TDRD10: variants seen among roughly 807,000 people sequenced by gnomAD.
TDRD10 encodes tudor domain containing 10, also known as tudor domain-containing protein 10.
Under a neutral mutation model 48.0 loss-of-function variants are expected in TDRD10, and 40 were observed. That is an observed-to-expected ratio of 0.83 (90% CI 0.65 to 1.09). The LOEUF is 1.09. Ranked by LOEUF, TDRD10 falls within the 50% of genes least tolerant of loss-of-function variation. The pLI, the probability that TDRD10 is intolerant of heterozygous loss-of-function variation, is 0.00. For missense variants in TDRD10, 378 were observed against 434.7 expected, an observed-to-expected ratio of 0.87 and a Z score of 1.16; for synonymous variants, 162 against 170.4, an observed-to-expected ratio of 0.95 and a Z score of 0.38.
intron 4 of TDRD10, chr1:154,509,683 A>G: frequency 3.3e-6 from 1 of 306,024 alleles, no homozygotes; most frequent in African/African-American, 2.3e-5. Flanking sequence ...AGCATAGTAA[A>G]TCATTGTGAT....
intron 6 of TDRD10, among the ~76,000 whole-genome samples, chr1:154,533,198 T>A (rs766496376): frequency 6.6e-6 from 1 of 152,270 alleles, no homozygotes; most frequent in South Asian, 2.1e-4. Context: ...GGCAGAAGTC[T>A]GGGCCCTGCA....
chr1:154,542,129 C>G (rs1464323103), intron 7 of TDRD10, 63 bp downstream of exon 7: 3 of 1,556,350 alleles, frequency 1.9e-6, no homozygotes, highest in Non-Finnish European at 1.8e-6. Flanking sequence ...TGGACCTCTT[C>G]CAGCCCCTTC....
rs1695405104 is a variant in TDRD10, at chr1:154,544,003, G to T, written c.544G>T (p.Asp182Tyr). 1.2e-6 allele frequency: 2 copies of T among 1,614,062 alleles called. No homozygotes were observed. Among genetic ancestry groups the T allele is most frequent in the Non-Finnish European group, 1.7e-6 (2 of 1,180,032 alleles). Residue 182 changes from aspartate to tyrosine, a missense_variant, in exon 9 of 13, where the codon GAC (aspartate) becomes TAC (tyrosine). Physicochemically the swap from Asp to Tyr is radical, Grantham distance 160. Around this residue, in one of 2 missense-constraint regions of TDRD10, gnomAD observed 310 missense variants for 323.6 expected, o/e 0.96. Transcript: ENST00000368482. ...GCTGCTCCTGAGGGAATGCTTCCGA[G>T]ACCTGAGCTGGCTGGCACTCATCCA... ...LVLLLRECFR[D>Y]LSWLALIHSV...
At chr1:154,518,454 G>T (rs912327076) in intron 4 of TDRD10, among the ~76,000 whole-genome samples, 1 of 151,780 alleles carries the variant, frequency 6.6e-6, no homozygotes, top group Non-Finnish European at 1.5e-5. Context: ...TTGAGACGGA[G>T]TCTTGCTCTG....
At chr1:154,517,059 G>C (rs1403712317) in intron 4 of TDRD10, among the ~76,000 whole-genome samples, 1 of 152,194 alleles carries the variant, frequency 6.6e-6, no homozygotes, top group Non-Finnish European at 1.5e-5. Flanking sequence ...AGCCTGAAGG[G>C]TCACAGTACT....
intron 3 of TDRD10, 51 bp downstream of exon 3, chr1:154,507,371 T>A (rs1362266154): frequency 2.5e-6 from 4 of 1,596,858 alleles, no homozygotes; most frequent in African/African-American, 1.3e-5. Context: ...TCCTACAACT[T>A]GGATTCCAGT....
At chr1:154,535,975 G>C (rs1694899044) in intron 6 of TDRD10, among the ~76,000 whole-genome samples, 1 of 152,192 alleles carries the variant, frequency 6.6e-6, no homozygotes, top group South Asian at 2.1e-4. Context: ...ATGTAAAATT[G>C]AGAGGAGCGG....
rs562565833 is a variant in TDRD10, at chr1:154,509,786, A to G, written c.141+1305A>G. On this transcript the variant is annotated intron_variant, in intron 4 of 12. Transcript: ENST00000368482. ...CTACTAGGGCTGGTTTTCCTCCCCC[A>G]TTTTGGCAGGCTGGTCCAACCTGTT... 3.1e-4 allele frequency: 306 copies of G among 985,340 alleles called. No homozygotes were observed. The Admixed American group carries it at 4.2e-3, about 14-fold the overall frequency. 61.0% of individuals were successfully genotyped at this position (985,340 alleles called of 1,614,324 possible).
At chr1:154,509,653 A>G (rs572668536) in intron 4 of TDRD10, 15 of 204,710 alleles carry the variant, frequency 7.3e-5, no homozygotes, top group African/African-American at 3.5e-4. Flanking sequence ...GTTTTGTCTG[A>G]CAGAAGAAAA....
intron 1 of TDRD10, among the ~76,000 whole-genome samples, chr1:154,505,083 GTGGTCATA>G (rs1023930538): frequency 4.7e-4 from 72 of 152,356 alleles, no homozygotes; most frequent in African/African-American, 1.6e-3. Flanking sequence ...TTGGAATCAT[GTGGTCATA>G]TGGTTTGGAT....
chr1:154,532,834 G>T (rs1450559090), intron 6 of TDRD10, among the ~76,000 whole-genome samples: 2 of 152,192 alleles, frequency 1.3e-5, no homozygotes, highest in Non-Finnish European at 2.9e-5. Flanking sequence ...TGGAAGTCAG[G>T]CTCCCTACTC....
At position 154,544,915 on chromosome 1, in the gene TDRD10, C is replaced by G. The variant is rs369240196; in HGVS notation, c.918C>G (p.Ile306Met). ...RSLDSDDFWT[I>M]PPLTQPFMLE... ...TAGACAGCGACGACTTCTGGACCAT[C>G]CCACCCCTGACTCAGCCATTCATGC... The change falls in exon 11 of 13, where the codon ATC becomes ATG. Residue 306 changes from isoleucine to methionine, a missense_variant. By Grantham distance (10) the Ile-to-Met change is conservative (BLOSUM62 1). Coordinates refer to ENST00000368482, the MANE Select transcript of TDRD10 (RefSeq NM_182499.4). 3 of 1,614,206 alleles carry G rather than the reference C, an allele frequency of 1.9e-6. No homozygotes were observed. In the South Asian group the frequency reaches 3.3e-5, roughly 18 times the overall value.
chr1:154,507,702 G>A lies in TDRD10; in HGVS notation c.82+382G>A, dbSNP rs188609704. 1.7e-3 allele frequency among the ~76,000 whole-genome samples: 256 copies of A among 152,264 alleles called. 1 individual carries two copies. The highest frequency in any genetic ancestry group is 7.9e-3 in the South Asian group (38 of 4,824). ...CAGTGGAATAAACTGTGACTGCTGT[G>A]GTACAGCCTTTCATTATTTCATAGT... On this transcript the variant is annotated intron_variant, in intron 3 of 12. Coordinates refer to ENST00000368482, the MANE Select transcript of TDRD10 (RefSeq NM_182499.4).
In TDRD10 at chr1:154,521,371, C is replaced by A; in HGVS notation, c.261C>A (p.Ile87=). The A allele has an allele frequency of 6.2e-7, 1 of 1,614,154 alleles. No individual in the cohort carries two copies. The highest frequency in any genetic ancestry group is 8.5e-7 in the Non-Finnish European group (1 of 1,180,010). The stretch of plus-strand genomic sequence containing the variant: ...CCATGCAGAAAGTGACACTTGCAAT[C>A]CAGGAGCTGAATGGTAAACTCTTCC... ...LGSMQKVTLA[I]QELNGKLFHK... Residue 87 remains isoleucine (I), a synonymous_variant, in exon 6 of 13, where the codon ATC becomes ATA. Coordinates refer to ENST00000368482, the MANE Select transcript of TDRD10 (RefSeq NM_182499.4).
At chr1:154,543,899 A>C (rs1232302919) in intron 8 of TDRD10, 64 bp from the exon 9 acceptor site, 1 of 1,596,160 alleles carries the variant, frequency 6.3e-7, no homozygotes, top group Non-Finnish European at 8.5e-7. Context: ...GCGTTGGTCC[A>C]GTCGTTCCTT....
In TDRD10 at chr1:154,534,250, G is replaced by C. The variant is rs1694805054; in HGVS notation, c.370-7774G>C. Among the ~76,000 whole-genome samples the C allele has an allele frequency of 2.0e-5, 3 of 152,032 alleles. 1 individual carries two copies. In the South Asian group the frequency reaches 6.2e-4, roughly 32 times the overall value. ...TACTATCTGGCCCTTTGCAGAAAAAGTTTGCCAGTTCCTGGGTTAAGATCT... is the reference window on the plus strand; with the variant it reads ...TACTATCTGGCCCTTTGCAGAAAAACTTTGCCAGTTCCTGGGTTAAGATCT... On this transcript the variant is annotated intron_variant, in intron 6 of 12. Coordinates refer to ENST00000368482, the MANE Select transcript of TDRD10 (RefSeq NM_182499.4).
chr1:154,533,619 G>A (rs1484289668), intron 6 of TDRD10, among the ~76,000 whole-genome samples: 2 of 151,766 alleles, frequency 1.3e-5, no homozygotes, highest in Non-Finnish European at 2.9e-5. Flanking sequence ...TCTCAGAGTG[G>A]AGGTTCTAAG....
intron 6 of TDRD10, chr1:154,534,683 T>C (rs938907928): frequency 2.0e-5 from 3 of 152,276 alleles, no homozygotes; most frequent in African/African-American, 7.2e-5. Context: ...TCCAGAGTCC[T>C]GAAGTGATTG....
intron 6 of TDRD10, among the ~76,000 whole-genome samples, chr1:154,527,627 A>C (rs1373235035): frequency 6.6e-6 from 1 of 152,222 alleles, no homozygotes; most frequent in African/African-American, 2.4e-5. Flanking sequence ...AGATTTGTCA[A>C]GGCATAAAGC....
Sources: allele counts gnomAD v4.1 joint callset (sites outside exome capture counted in the v4.1 genomes callset), GRCh38; gene constraint gnomAD v4.1.1; regional missense constraint gnomAD v4.1.1; transcripts MANE v1.5; gene names NCBI Gene and HGNC (gene_info 2026-07-23, HGNC 2026-07-21).